The following ABCA13 variants were observed in gnomAD, a reference collection of about 807,000 sequenced individuals.
ABCA13 encodes the protein ATP binding cassette subfamily A member 13.
In ABCA13, 476 loss-of-function variants were observed where a neutral mutation model predicts 478.7. The ratio of observed to expected loss-of-function variants is 0.99; its 90% confidence interval spans 0.92 to 1.07. ABCA13 has a LOEUF of 1.07. Ranked by LOEUF, ABCA13 falls within the 50% of genes least tolerant of loss-of-function variation. ABCA13 has a pLI of 0.00. For synonymous variants in ABCA13, 2,252 were observed against 2,158.9 expected (o/e 1.04, Z -1.20); for missense variants, 6,060 against 5,910.6 (o/e 1.03, Z -0.83).
At chr7:48,483,262 T>C (rs565311123) in intron 47 of ABCA13, 99 bp downstream of exon 47, 1 of 1,013,062 alleles carries the variant, frequency 9.9e-7, no homozygotes, top group African/African-American at 1.6e-5. Context: ...AGGACCAGAT[T>C]AAATCCAATC....
At position 48,617,148 on chromosome 7, in the gene ABCA13, T is replaced by A. The variant is rs144640714; in HGVS notation, c.14837+1771T>A. On this transcript the variant is annotated intron_variant, in intron 59 of 61. Transcript: ENST00000435803. ...AATATTGAGATAAAGAATAAAGGATTGATCATGACATAGATGGTAACAATA... is the reference window on the plus strand; with the variant it reads ...AATATTGAGATAAAGAATAAAGGATAGATCATGACATAGATGGTAACAATA... Among the ~76,000 whole-genome samples, 32 of 152,354 alleles carry A rather than the reference T, an allele frequency of 2.1e-4. No homozygotes were observed. In the East Asian group the frequency reaches 5.2e-3, roughly 25 times the overall value.
At chr7:48,440,906 A>C (rs1823499387) in intron 42 of ABCA13, among the ~76,000 whole-genome samples, 1 of 152,268 alleles carries the variant, frequency 6.6e-6, no homozygotes, top group African/African-American at 2.4e-5. Context: ...AACCCTGAAG[A>C]AAGAAAACTT....
intron 55 of ABCA13, among the ~76,000 whole-genome samples, chr7:48,542,067 T>TTTATTAG (rs1833979626): frequency 6.6e-6 from 1 of 151,612 alleles, no homozygotes; most frequent in East Asian, 1.9e-4. Context: ...ATAAAATACA[T>TTTATTAG]TCTTTGATGT....
chr7:48,350,820 G>C lies in ABCA13; in HGVS notation c.10381+1G>C. 1.2e-6 allele frequency: 2 copies of C among 1,611,692 alleles called. No individual in the cohort carries two copies. Among genetic ancestry groups the C allele is most frequent in the Non-Finnish European group, 1.7e-6 (2 of 1,178,884 alleles). Reference sequence around the variant, plus strand: ...TTGCAGCAGAACAGCTTCTTGGCCAGTAAGTACTCAATGAAAAAATATGTT... The same window carrying C: ...TTGCAGCAGAACAGCTTCTTGGCCACTAAGTACTCAATGAAAAAATATGTT... On this transcript the variant is annotated splice_donor_variant, in intron 30 of 61. Coordinates refer to ENST00000435803, the MANE Select transcript of ABCA13 (RefSeq NM_152701.5). LOFTEE classifies it high-confidence loss of function.
At chr7:48,463,925 C>T (rs1049933170) in intron 43 of ABCA13, among the ~76,000 whole-genome samples, 1 of 151,908 alleles carries the variant, frequency 6.6e-6, no homozygotes, top group Non-Finnish European at 1.5e-5. Flanking sequence ...CCCAGTGTTT[C>T]TCAAGGTTGG....
In ABCA13 at chr7:48,317,234, A is replaced by G. The variant is rs974700180; in HGVS notation, c.9937A>G (p.Ile3313Val). The G allele has an allele frequency of 8.1e-6, 13 of 1,613,650 alleles. No individual in the cohort carries two copies. Among genetic ancestry groups the G allele is most frequent in the African/African-American group, 8.0e-5 (6 of 74,936 alleles). ...GALVWTFLKP[I>V]LHGKILYTPN... Reference sequence around the variant, plus strand: ...TTTGGTGTGGACCTTCCTAAAACCCATATTGCATGGAAAAATACTATACAC... The same window carrying G: ...TTTGGTGTGGACCTTCCTAAAACCCGTATTGCATGGAAAAATACTATACAC... The change falls in exon 27 of 62, where the codon ATA becomes GTA. Residue 3313 changes from isoleucine to valine, a missense_variant. Physicochemically the swap from Ile to Val is conservative, Grantham distance 29. Coordinates refer to ENST00000435803, the MANE Select transcript of ABCA13 (RefSeq NM_152701.5).
Position 48,600,767 on chromosome 7 carries a change from T to C in ABCA13, c.14744+5954T>C, listed in dbSNP as rs553077560. ...ATTTTAAGTTTCACTTTATACACTT[T>C]TAAATCTTTTAAAGAAGATAAGAAA... On this transcript the variant is annotated intron_variant, in intron 58 of 61. Coordinates refer to ENST00000435803, the MANE Select transcript of ABCA13 (RefSeq NM_152701.5). Among the ~76,000 whole-genome samples the C allele has an allele frequency of 3.9e-4, 59 of 152,270 alleles. 1 individual carries two copies. In the South Asian group the frequency reaches 0.012, roughly 30 times the overall value.
chr7:48,468,913 A>C (rs1390348079), intron 44 of ABCA13, among the ~76,000 whole-genome samples: 1 of 152,258 alleles, frequency 6.6e-6, no homozygotes, highest in East Asian at 1.9e-4. Context: ...GAGTTTTCTC[A>C]CAGTAGTAGG....
chr7:48,410,388 A>G (rs1042552767), intron 39 of ABCA13, 132 bp from the exon 40 acceptor site: 12 of 1,169,820 alleles, frequency 1.0e-5, no homozygotes, highest in Non-Finnish European at 1.5e-5. Flanking sequence ...GACGCATTTC[A>G]ATTTTTTTCA....
intron 55 of ABCA13, among the ~76,000 whole-genome samples, chr7:48,530,700 A>G (rs1163927537): frequency 2.0e-5 from 3 of 152,138 alleles, no homozygotes; most frequent in Admixed American, 1.3e-4. Flanking sequence ...GTGAAGTGGT[A>G]CCACATTGTG....
At chr7:48,535,529 T>C (rs1172642781) in intron 55 of ABCA13, among the ~76,000 whole-genome samples, 1 of 152,162 alleles carries the variant, frequency 6.6e-6, no homozygotes, top group Non-Finnish European at 1.5e-5. Flanking sequence ...TCGGCTGCCC[T>C]TGTGGAAGAA....
intron 35 of ABCA13, among the ~76,000 whole-genome samples, chr7:48,378,210 G>A (rs1276578801): frequency 2.0e-5 from 3 of 152,180 alleles, no homozygotes; most frequent in African/African-American, 7.2e-5. Context: ...GTAGACTCAT[G>A]GAGGAAGGTA....
intron 59 of ABCA13, among the ~76,000 whole-genome samples, chr7:48,630,624 C>T (rs1586041353): frequency 6.6e-6 from 1 of 152,140 alleles, no homozygotes; most frequent in Non-Finnish European, 1.5e-5. Flanking sequence ...CATATACATG[C>T]ATGTGTCTTT....
chr7:48,606,952 G>C (rs572852195), intron 58 of ABCA13, among the ~76,000 whole-genome samples: 5 of 152,322 alleles, frequency 3.3e-5, no homozygotes, highest in African/African-American at 1.2e-4. Context: ...GCCTTGCTGA[G>C]CTGCAGTGGG....
rs1408426473 is a variant in ABCA13 at position 48,279,180 on chromosome 7, G to A, written c.7986G>A (p.Glu2662=). 5 of 1,599,536 alleles carry A rather than the reference G, an allele frequency of 3.1e-6. No homozygotes were observed. Among genetic ancestry groups the A allele is most frequent in the African/African-American group, 2.7e-5 (2 of 74,924 alleles). ...MRSLAVAFNN[E]TQTFSMDSVN... is the part of the protein sequence containing the mutation. ...GTCTTGCGGTAGCATTTAACAATGA[G>A]ACTCAAACATTTTCTATGGATTCTG... Residue 2662 remains glutamate (E), a synonymous_variant, in exon 18 of 62, where the codon GAG becomes GAA. Coordinates refer to ENST00000435803, the MANE Select transcript of ABCA13 (RefSeq NM_152701.5).
At chr7:48,263,980 T>TG (rs1794545235) in intron 15 of ABCA13, among the ~76,000 whole-genome samples, 1 of 151,872 alleles carries the variant, frequency 6.6e-6, no homozygotes, top group African/African-American at 2.4e-5. Flanking sequence ...AGGCTACCAT[T>TG]GCTCTGCTTT....
intron 48 of ABCA13, among the ~76,000 whole-genome samples, chr7:48,498,917 A>T (rs1242316997): frequency 6.6e-6 from 1 of 152,228 alleles, no homozygotes; most frequent in Non-Finnish European, 1.5e-5. Context: ...TGAAAAATTA[A>T]TGGAAGATCA....
intron 43 of ABCA13, among the ~76,000 whole-genome samples, chr7:48,456,791 T>C (rs1825720662): frequency 6.7e-6 from 1 of 149,432 alleles, no homozygotes; most frequent in Admixed American, 6.7e-5. Flanking sequence ...TGGGGGCATA[T>C]AAAGGTTTAT....
intron 58 of ABCA13, among the ~76,000 whole-genome samples, chr7:48,613,386 C>T (rs1167441814): frequency 6.6e-6 from 1 of 152,020 alleles, no homozygotes; most frequent in African/African-American, 2.4e-5. Context: ...GACAGGGTTT[C>T]ATCATGTTGG....
Sources: gnomAD v4.1 joint callset for allele counts (sites outside exome capture counted in the v4.1 genomes callset) on GRCh38, gnomAD v4.1.1 for gene constraint, MANE v1.5 for transcripts, NCBI Gene and HGNC (gene_info 2026-07-23, HGNC 2026-07-21) for gene names.